Variants in ECPAS observed in about 807,000 individuals in gnomAD.
ECPAS encodes the protein proteasome adapter and scaffold protein ECM29.
In ECPAS, 70 loss-of-function variants were observed where a neutral mutation model predicts 255.1. That is an observed-to-expected ratio of 0.27 (90% CI 0.23 to 0.33). ECPAS has a LOEUF of 0.33. Ranked by LOEUF, ECPAS falls within the 10% of genes least tolerant of loss-of-function variation. The probability of loss-of-function intolerance (pLI) is 1.00; values close to 1 mark genes in which losing one functional copy is unlikely to be tolerated. For missense variants in ECPAS, 1,817 were observed against 2,206.4 expected, an observed-to-expected ratio of 0.82 and a Z score of 3.54; for synonymous variants, 784 against 775.0, an observed-to-expected ratio of 1.01 and a Z score of -0.19.
intron 25 of ECPAS, among the ~76,000 whole-genome samples, chr9:111,394,658 T>G (rs2098165034): frequency 6.6e-6 from 1 of 152,210 alleles, no homozygotes; most frequent in African/African-American, 2.4e-5. Flanking sequence ...CATACTGTTT[T>G]TCTCCTTTCC....
chr9:111,408,960 G>A (rs919294919), intron 23 of ECPAS, among the ~76,000 whole-genome samples: 1 of 152,076 alleles, frequency 6.6e-6, no homozygotes, highest in Non-Finnish European at 1.5e-5. Flanking sequence ...GTGGGTTCTG[G>A]GCCCAGAGGA....
At chr9:111,423,380 C>G in intron 12 of ECPAS, 132 bp from the exon 13 acceptor site, 1 of 647,562 alleles carries the variant, frequency 1.5e-6, no homozygotes, top group Non-Finnish European at 2.7e-6. Flanking sequence ...CTAGGTCTCA[C>G]TCTGTCTAAC....
intron 34 of ECPAS, among the ~76,000 whole-genome samples, chr9:111,383,699 T>C (rs1008770137): frequency 3.3e-5 from 5 of 152,226 alleles, no homozygotes; most frequent in African/African-American, 1.2e-4. Context: ...GGCAGGCGGA[T>C]TGCTTGAGCC....
chr9:111,460,578 T>C (rs767158874), intron 2 of ECPAS, among the ~76,000 whole-genome samples: 1 of 151,982 alleles, frequency 6.6e-6, no homozygotes, highest in Non-Finnish European at 1.5e-5. Flanking sequence ...ACACAAAAAA[T>C]CCAAAACAAT....
In ECPAS at chr9:111,412,084, A is replaced by C. The variant is rs900270170; in HGVS notation, c.2144T>G (p.Val715Gly). The change falls in exon 21 of 50, where the codon GTA (valine) becomes GGA (glycine). Residue 715 changes from valine to glycine, a missense_variant. Coordinates refer to ENST00000684092, the MANE Select transcript of ECPAS (RefSeq NM_001364929.1). ...ELAALFYSVVVSTVSGNELKS... is the reference protein window; with the variant it reads ...ELAALFYSVVGSTVSGNELKS... ...CAACTCATTCCCCGACACTGTTGAT[A>C]CCACTACAGAATAAAACAACGCTGC... 2 of 1,599,424 alleles carry C rather than the reference A, an allele frequency of 1.3e-6. No individual in the cohort carries two copies. The highest frequency in any genetic ancestry group is 1.7e-6 in the Non-Finnish European group (2 of 1,175,580).
intron 2 of ECPAS, among the ~76,000 whole-genome samples, chr9:111,465,791 T>A (rs12238162): frequency 0.064 from 9,747 of 152,012 alleles, 465 homozygotes; most frequent in East Asian, 0.21. Context: ...CCCAGCACTC[T>A]GGGAAGCTAA....
intron 1 of ECPAS, among the ~76,000 whole-genome samples, chr9:111,482,859 CG>C (rs60575242): frequency 0.3 from 45,096 of 151,918 alleles, 8,287 homozygotes; most frequent in African/African-American, 0.5. Flanking sequence ...GGGTGACCAC[CG>C]CTCTCCCCAG....
At chr9:111,483,927 C>G (rs1047610682) in intron 1 of ECPAS, 189 bp downstream of exon 1, 2 of 799,452 alleles carry the variant, frequency 2.5e-6, no homozygotes, top group Non-Finnish European at 3.0e-6. Flanking sequence ...AGCGGCCCCC[C>G]CGCCGGGCCC....
chr9:111,368,969 A>T lies in ECPAS; in HGVS notation c.5113+66T>A, dbSNP rs1341098502. On this transcript the variant is annotated intron_variant, in intron 46 of 49. Coordinates refer to ENST00000684092, the MANE Select transcript of ECPAS (RefSeq NM_001364929.1). ...ACAATAACTATAATTTGTCATAGAG[A>T]AAATTCTTCGCTCTCATTAAGTAAC... The T allele has an allele frequency of 2.2e-6, 3 of 1,375,770 alleles. No individual in the cohort carries two copies. In the African/African-American group the frequency reaches 4.5e-5, roughly 21 times the overall value. The allele number at this position is 1,375,770 out of a possible 1,614,324, so 85.2% of individuals were successfully genotyped here.
chr9:111,397,057 T>G lies in ECPAS; in HGVS notation c.2749A>C (p.Thr917Pro). ...SVAARDAWQMTEEEYTPPAGA... is the reference protein window; with the variant it reads ...SVAARDAWQMPEEEYTPPAGA... ...GCAGGTGGAGTATATTCCTCTTCAG[T>G]CATTTGCCAGGCATCTCGGGCAGCC... Residue 917 changes from threonine (T) to proline (P), a missense_variant, in exon 25 of 50, where the codon ACT (threonine) becomes CCT (proline). By Grantham distance (38) the Thr-to-Pro change is conservative. Around this residue, in one of 4 missense-constraint regions of ECPAS, gnomAD observed 960 missense variants for 1,179.0 expected, o/e 0.81. Coordinates refer to ENST00000684092, the MANE Select transcript of ECPAS (RefSeq NM_001364929.1). 6.2e-7 allele frequency: 1 copy of G among 1,613,992 alleles called. No individual in the cohort carries two copies. Among genetic ancestry groups the G allele is most frequent in the Non-Finnish European group, 8.5e-7 (1 of 1,179,844 alleles).
chr9:111,412,657 C>G (rs1342718252), intron 20 of ECPAS, among the ~76,000 whole-genome samples: 1 of 152,070 alleles, frequency 6.6e-6, no homozygotes, highest in Non-Finnish European at 1.5e-5. Context: ...CCTATTTGGA[C>G]CTTTGACTAT....
intron 2 of ECPAS, among the ~76,000 whole-genome samples, chr9:111,453,274 A>G (rs1256547903): frequency 6.6e-6 from 1 of 152,104 alleles, no homozygotes; most frequent in African/African-American, 2.4e-5. Flanking sequence ...ACATGGAACA[A>G]GTCAAAGGGA....
chr9:111,433,266 G>A lies in ECPAS; in HGVS notation c.815C>T (p.Thr272Met), dbSNP rs774836736. ...ASSDTRHSVATAADLELKSKQ... is the reference protein window; with the variant it reads ...ASSDTRHSVAMAADLELKSKQ... ...GCTTTTCAATTCCAGGTCTGCTGCC[G>A]TTGCCACACTGTGGCGTGTATCACT... The change falls in exon 8 of 50, where the codon ACG becomes ATG. Residue 272 changes from threonine (T) to methionine (M), a missense_variant. Physicochemically the swap from Thr to Met is moderately conservative, Grantham distance 81 (BLOSUM62 -1). Around this residue, in one of 4 missense-constraint regions of ECPAS, gnomAD observed 573 missense variants for 716.2 expected, o/e 0.80. Transcript: ENST00000684092. 7 of 1,613,890 alleles carry A rather than the reference G, an allele frequency of 4.3e-6. No homozygotes were observed. Among genetic ancestry groups the A allele is most frequent in the South Asian group, 1.1e-5 (1 of 91,074 alleles).
At chr9:111,427,710 A>G (rs1200839978) in intron 10 of ECPAS, among the ~76,000 whole-genome samples, 5 of 152,216 alleles carry the variant, frequency 3.3e-5, no homozygotes, top group Non-Finnish European at 7.4e-5. Context: ...AATTTTGTGC[A>G]TGAAGTAAAG....
At chr9:111,404,673 C>T (rs1412254883) in intron 24 of ECPAS, among the ~76,000 whole-genome samples, 2 of 149,442 alleles carry the variant, frequency 1.3e-5, no homozygotes, top group African/African-American at 5.1e-5. Context: ...GCTTACTGTA[C>T]AGCCTGCAGA....
chr9:111,397,995 G>GTAAC (rs2098170151), intron 24 of ECPAS, among the ~76,000 whole-genome samples: 1 of 152,180 alleles, frequency 6.6e-6, no homozygotes, highest in African/African-American at 2.4e-5. Flanking sequence ...GACCCAACAT[G>GTAAC]TAACTACCTA....
rs749375348 is a variant in ECPAS, at chr9:111,442,377, C to T, written c.318G>A (p.Val106=). The T allele has an allele frequency of 6.2e-7, 1 of 1,612,902 alleles. No homozygotes were observed. The highest frequency in any genetic ancestry group is 1.1e-5 in the South Asian group (1 of 90,702). ...TAGGGGCCAGTTCACATTGTTTTTC[C>T]ACTGGTAGGCGAGGATAGCCCATTT... ...YVKMGYPRLP[V]EKQCELAPTL... is the part of the protein sequence containing the mutation. Residue 106 remains valine, a synonymous_variant, in exon 5 of 50, where the codon GTG becomes GTA. Coordinates refer to ENST00000684092, the MANE Select transcript of ECPAS (RefSeq NM_001364929.1).
chr9:111,443,886 T>C (rs2098249343), intron 4 of ECPAS, among the ~76,000 whole-genome samples: 1 of 152,250 alleles, frequency 6.6e-6, no homozygotes, highest in Admixed American at 6.5e-5. Context: ...AAAGGAATGT[T>C]TCTTACCAGA....
chr9:111,404,107 A>T (rs1405298944), intron 24 of ECPAS, among the ~76,000 whole-genome samples: 1 of 149,808 alleles, frequency 6.7e-6, no homozygotes, highest in Non-Finnish European at 1.5e-5. Context: ...GGATACAGCA[A>T]AAGCAGTGCT....
Sources: allele counts gnomAD v4.1 joint callset (sites outside exome capture counted in the v4.1 genomes callset), GRCh38; gene constraint gnomAD v4.1.1; regional missense constraint gnomAD v4.1.1; transcripts MANE v1.5; gene names NCBI Gene and HGNC (gene_info 2026-07-23, HGNC 2026-07-21).